RUNX2: variants seen among roughly 807,000 people sequenced by gnomAD.
The protein encoded by RUNX2 is RUNX family transcription factor 2.
A neutral mutation model predicts 51.7 loss-of-function variants in RUNX2; 10 were observed. The ratio of observed to expected loss-of-function variants is 0.19; its 90% CI spans 0.12 to 0.33. RUNX2 has a LOEUF of 0.33. Among genes scored for constraint, RUNX2 ranks in the 10% least tolerant of loss-of-function variants. The pLI, the probability that RUNX2 is intolerant of heterozygous loss-of-function variation, is 1.00. For synonymous variants in RUNX2, 276 were observed against 273.6 expected, an observed-to-expected ratio of 1.01 and a Z score of -0.09; for missense variants, 562 against 691.3, an observed-to-expected ratio of 0.81 and a Z score of 2.10.
chr6:45,341,937 A>C (rs913495321), intron 2 of RUNX2, among the ~76,000 whole-genome samples: 1 of 152,216 alleles, frequency 6.6e-6, no homozygotes, highest in African/African-American at 2.4e-5. Flanking sequence ...CAGAACAGTC[A>C]ACCAAAACAG....
chr6:45,478,145 A>G lies in RUNX2; in HGVS notation c.686-13796A>G, dbSNP rs553135423. 2.0e-5 allele frequency among the ~76,000 whole-genome samples: 3 copies of G among 152,280 alleles called. No homozygotes were observed. In the East Asian group the frequency reaches 5.8e-4, roughly 29 times the overall value. On this transcript the variant is annotated intron_variant, in intron 5 of 8. Transcript: ENST00000647337. ...TCCTGACTGCTCTTGAAAGTCAAGT[A>G]TTTAATCTTTGGCTCCTCTTTGGTT...
chr6:45,372,816 G>A (rs1323579501), intron 2 of RUNX2, among the ~76,000 whole-genome samples: 2 of 151,772 alleles, frequency 1.3e-5, no homozygotes, highest in African/African-American at 2.4e-5. Flanking sequence ...AAACCACCAA[G>A]CTCAGCTACA....
chr6:45,435,994 G>A (rs554589849), intron 4 of RUNX2, among the ~76,000 whole-genome samples: 17 of 152,142 alleles, frequency 1.1e-4, no homozygotes, highest in Non-Finnish European at 4.4e-5. Context: ...TCTGTAACTA[G>A]TTTAGACTCC....
chr6:45,445,591 A>C (rs1428832875), intron 5 of RUNX2, among the ~76,000 whole-genome samples: 18 of 152,116 alleles, frequency 1.2e-4, no homozygotes, highest in Admixed American at 1.2e-3. Flanking sequence ...TGACTTTCAG[A>C]CTTCCCCTGG....
At chr6:45,451,469 A>G (rs926636557) in intron 5 of RUNX2, among the ~76,000 whole-genome samples, 111 of 152,252 alleles carry the variant, frequency 7.3e-4, no homozygotes, top group African/African-American at 2.6e-3. Flanking sequence ...TAAGAGCAAC[A>G]TGGAAAACTT....
At chr6:45,500,141 A>G (rs1169934215) in intron 6 of RUNX2, among the ~76,000 whole-genome samples, 2 of 152,160 alleles carry the variant, frequency 1.3e-5, no homozygotes, top group African/African-American at 4.8e-5. Context: ...CCCTGGTGGT[A>G]TATTTTCACA....
chr6:45,388,305 C>G (rs1797397717), intron 2 of RUNX2, among the ~76,000 whole-genome samples: 2 of 152,136 alleles, frequency 1.3e-5, no homozygotes, highest in Non-Finnish European at 2.9e-5. Context: ...GTGAGGATGA[C>G]AGGGTAAATC....
intron 7 of RUNX2, among the ~76,000 whole-genome samples, chr6:45,517,188 T>G (rs114012998): frequency 0.014 from 2,120 of 150,248 alleles, 28 homozygotes; most frequent in Non-Finnish European, 0.023. Context: ...CACTATAGAT[T>G]TTTTTTTTTA....
chr6:45,437,026 A>G (rs1798703899), intron 4 of RUNX2, among the ~76,000 whole-genome samples: 1 of 152,182 alleles, frequency 6.6e-6, no homozygotes, highest in Non-Finnish European at 1.5e-5. Flanking sequence ...GACATGATTA[A>G]CCGTTGCAAA....
chr6:45,343,753 C>G (rs547727676), intron 2 of RUNX2, among the ~76,000 whole-genome samples: 1 of 152,310 alleles, frequency 6.6e-6, no homozygotes, highest in South Asian at 2.1e-4. Flanking sequence ...GTTCCTGAGA[C>G]AGCTATCCAG....
chr6:45,513,622 A>G (rs920135435), intron 7 of RUNX2: 1 of 152,190 alleles, frequency 6.6e-6, no homozygotes, highest in Non-Finnish European at 1.5e-5. Context: ...CTAGTGCCTC[A>G]CATTTTCTGC....
At chr6:45,354,065 G>A (rs1159305366) in intron 2 of RUNX2, among the ~76,000 whole-genome samples, 1 of 150,168 alleles carries the variant, frequency 6.7e-6, no homozygotes, top group Non-Finnish European at 1.5e-5. Flanking sequence ...ATGGAGGGAG[G>A]TGCTCTCATA....
intron 7 of RUNX2, among the ~76,000 whole-genome samples, chr6:45,538,660 C>T: frequency 6.6e-6 from 1 of 151,152 alleles, no homozygotes; most frequent in African/African-American, 2.4e-5. Flanking sequence ...TTTTTTCCTC[C>T]TTTTTTCCTT....
chr6:45,549,338 A>C lies in RUNX2; in HGVS notation c.*2033A>C. The C allele has an allele frequency of 2.5e-6, 1 of 398,566 alleles. No individual in the cohort carries two copies. The allele number at this position is 398,566 out of a possible 1,614,324, so 24.7% of individuals were successfully genotyped here. ...TCAAACCCACCTTTGTAGGCCACCC[A>C]GCATTGCAGGACAGCGTGTGGGGCA... On this transcript the variant is annotated 3_prime_UTR_variant, in exon 9 of 9. Transcript: ENST00000647337.
rs371186773 is a variant in RUNX2, at chr6:45,342,011, C to T, written c.58+13227C>T. Among the ~76,000 whole-genome samples, 20 of 151,044 alleles carry T rather than the reference C, an allele frequency of 1.3e-4. No individual in the cohort carries two copies. The South Asian group carries it at 3.8e-3, about 28-fold the overall frequency. ...TTATTAACCTAGCATTAAAAAAAAA[C>T]GGAGACTGGACTGAAAAATATGGGC... is the stretch of plus-strand genomic sequence containing the variant. On this transcript the variant is annotated intron_variant, in intron 2 of 8. Coordinates refer to ENST00000647337, the MANE Select transcript of RUNX2 (RefSeq NM_001024630.4).
chr6:45,470,334 G>A (rs761554655), intron 5 of RUNX2, among the ~76,000 whole-genome samples: 1 of 152,148 alleles, frequency 6.6e-6, no homozygotes, highest in African/African-American at 2.4e-5. Context: ...ATGCATTTGA[G>A]CCTCGCCCAG....
chr6:45,403,469 G>T (rs562217338), intron 2 of RUNX2, among the ~76,000 whole-genome samples: 49 of 152,026 alleles, frequency 3.2e-4, no homozygotes, highest in Non-Finnish European at 6.6e-4. Context: ...CTGACTTCAG[G>T]TGATCCGCCC....
At chr6:45,407,385 T>C (rs1797860233) in intron 2 of RUNX2, among the ~76,000 whole-genome samples, 1 of 152,206 alleles carries the variant, frequency 6.6e-6, no homozygotes, top group Admixed American at 6.5e-5. Flanking sequence ...ACCACAGTGA[T>C]GTGAGACACC....
intron 5 of RUNX2, among the ~76,000 whole-genome samples, chr6:45,455,767 A>G (rs1329574352): frequency 1.3e-5 from 2 of 152,184 alleles, no homozygotes; most frequent in Admixed American, 6.5e-5. Flanking sequence ...GCTTATCTTT[A>G]CTAAGCCATC....
Sources: gnomAD v4.1 joint callset for allele counts (sites outside exome capture counted in the v4.1 genomes callset) on GRCh38, gnomAD v4.1.1 for gene constraint, MANE v1.5 for transcripts, NCBI Gene and HGNC (gene_info 2026-07-23, HGNC 2026-07-21) for gene names.